SORCS3: variants seen among roughly 807,000 people sequenced by gnomAD.
The protein encoded by SORCS3 is VPS10 domain-containing receptor SorCS3.
SORCS3 carries 57 observed loss-of-function variants against 146.3 expected under a neutral mutation model. The observed-to-expected ratio is 0.39, with a 90% CI of 0.31 to 0.49. SORCS3 has a LOEUF of 0.49. Ranked by LOEUF, SORCS3 falls within the 20% of genes least tolerant of loss-of-function variation. SORCS3 has a pLI of 0.92. For missense variants in SORCS3, 1,341 were observed against 1,575.5 expected, an observed-to-expected ratio of 0.85 and a Z score of 2.52; for synonymous variants, 653 against 618.5, an observed-to-expected ratio of 1.06 and a Z score of -0.83.
rs145642885 is a variant in SORCS3, at chr10:104,804,127, A to G, written c.628-38665A>G. ...CCTTGAAATTTCTTAGGGCTTTTCA[A>G]TTTCCACAGCTTTTTCACATGGATC... On this transcript the variant is annotated intron_variant, in intron 1 of 26. Transcript: ENST00000369701. 2.3e-3 allele frequency among the ~76,000 whole-genome samples: 350 copies of G among 152,300 alleles called. 2 individuals carry two copies. The highest frequency in any genetic ancestry group is 8.0e-3 in the African/African-American group (332 of 41,562).
intron 1 of SORCS3, among the ~76,000 whole-genome samples, chr10:104,767,064 T>C (rs890873936): frequency 2.0e-5 from 3 of 152,222 alleles, no homozygotes; most frequent in African/African-American, 7.2e-5. Context: ...TGTTCTCAGA[T>C]TCACATTCCT....
intron 4 of SORCS3, among the ~76,000 whole-genome samples, chr10:105,037,900 G>T (rs2133700724): frequency 6.6e-6 from 1 of 152,228 alleles, no homozygotes; most frequent in South Asian, 2.1e-4. Context: ...ATATTCTATT[G>T]ATTAAATTGC....
chr10:105,171,623 G>T (rs1013352763), intron 13 of SORCS3, among the ~76,000 whole-genome samples: 2 of 152,180 alleles, frequency 1.3e-5, no homozygotes, highest in Non-Finnish European at 2.9e-5. Flanking sequence ...ACATGTCTCT[G>T]AAAAGCAAAA....
chr10:105,145,384 GAC>G (rs1210462072), intron 8 of SORCS3, among the ~76,000 whole-genome samples: 8 of 151,896 alleles, frequency 5.3e-5, no homozygotes, highest in Non-Finnish European at 1.2e-4. Context: ...TTCACCAGGT[GAC>G]ACAGCCCCGG....
chr10:105,079,610 G>A (rs969136372), intron 5 of SORCS3, among the ~76,000 whole-genome samples: 1 of 151,968 alleles, frequency 6.6e-6, no homozygotes, highest in African/African-American at 2.4e-5. Flanking sequence ...ACATGTGCAG[G>A]GTTGTTTTAT....
At chr10:105,023,430 T>C (rs1330014214) in intron 4 of SORCS3, among the ~76,000 whole-genome samples, 1 of 152,140 alleles carries the variant, frequency 6.6e-6, no homozygotes, top group African/African-American at 2.4e-5. Context: ...TTCCAATGGT[T>C]GGAGGGTGGA....
At chr10:105,257,529 T>C (rs190106048) in intron 25 of SORCS3, among the ~76,000 whole-genome samples, 123 of 152,312 alleles carry the variant, frequency 8.1e-4, no homozygotes, top group African/African-American at 3.0e-3. Flanking sequence ...AAGATACTTA[T>C]TAGAAACGTA....
At chr10:104,787,667 A>AT (rs2133497880) in intron 1 of SORCS3, among the ~76,000 whole-genome samples, 1 of 152,300 alleles carries the variant, frequency 6.6e-6, no homozygotes, top group African/African-American at 2.4e-5. Flanking sequence ...ATGTTCTCCC[A>AT]TGAAAAGGGA....
At chr10:104,792,914 G>T (rs891236563) in intron 1 of SORCS3, among the ~76,000 whole-genome samples, 8 of 152,012 alleles carry the variant, frequency 5.3e-5, no homozygotes, top group African/African-American at 1.9e-4. Context: ...TTATTTTGGG[G>T]TCATGGATTT....
rs2015412899 is a variant in SORCS3 at position 104,641,420 on chromosome 10, C to T, written c.93C>T (p.Ala31=). The change falls in exon 1 of 27, where the codon GCC becomes GCT. Residue 31 remains alanine, a synonymous_variant. Transcript: ENST00000369701. This position sits in a 1 kb window ranked among gnomAD's most constrained non-coding sequence, Gnocchi z 6.4. ...GLLLLSTWVL[A]GAEITWDATG... The stretch of plus-strand genomic sequence containing the variant: ...TACTCTTGTCGACGTGGGTCCTGGC[C>T]GGCGCCGAGATCACTTGGGACGCGA... 2.7e-6 allele frequency: 4 copies of T among 1,468,132 alleles called. No homozygotes were observed. The South Asian group carries it at 3.9e-5, about 14-fold the overall frequency. The allele number at this position is 1,468,132 out of a possible 1,614,324, so 90.9% of individuals were successfully genotyped here. A position where few individuals can be genotyped will look rare whatever the true frequency, so the allele number is the denominator to read the frequency against.
intron 1 of SORCS3, among the ~76,000 whole-genome samples, chr10:104,810,034 C>T (rs907982463): frequency 6.6e-6 from 1 of 152,194 alleles, no homozygotes; most frequent in African/African-American, 2.4e-5. Context: ...TATTTCTGAA[C>T]ATGCTTCCGA....
chr10:105,178,152 G>T lies in SORCS3; in HGVS notation c.1988G>T (p.Gly663Val). Residue 663 changes from glycine to valine, a missense_variant, in exon 14 of 27, where the codon GGA (glycine) becomes GTA (valine). Transcript: ENST00000369701. ...GTTGACGGGGCTCTGGTGGAGGCAG[G>T]AATGGAGACCCACATCATGACGTGA... ...LFVDGALVEA[G>V]METHIMTVFG... 6.2e-7 allele frequency: 1 copy of T among 1,613,174 alleles called. No individual in the cohort carries two copies. The highest frequency in any genetic ancestry group is 1.7e-5 in the Admixed American group (1 of 59,940).
At chr10:104,872,177 G>GTAATC (rs1449747882) in intron 2 of SORCS3, among the ~76,000 whole-genome samples, 1 of 152,174 alleles carries the variant, frequency 6.6e-6, no homozygotes, top group African/African-American at 2.4e-5. Context: ...AATGTACCAT[G>GTAATC]AGGGATGCAT....
At chr10:105,080,685 T>C (rs2055618481) in intron 5 of SORCS3, among the ~76,000 whole-genome samples, 1 of 152,198 alleles carries the variant, frequency 6.6e-6, no homozygotes, top group Non-Finnish European at 1.5e-5. Flanking sequence ...GTTTTACATT[T>C]AAGTCTTTAA....
chr10:104,681,164 G>C (rs1450194219), intron 1 of SORCS3, among the ~76,000 whole-genome samples: 7 of 152,248 alleles, frequency 4.6e-5, no homozygotes, highest in Admixed American at 6.5e-5. Context: ...GGCATGGGGA[G>C]ACGCTCATGA....
At chr10:104,741,451 T>G (rs1005743816) in intron 1 of SORCS3, among the ~76,000 whole-genome samples, 1 of 152,052 alleles carries the variant, frequency 6.6e-6, no homozygotes, top group Non-Finnish European at 1.5e-5. Context: ...TGTATGGAGT[T>G]TGTCAAGCTG....
At chr10:104,735,456 G>GTTTTTTTTTGTTTTTTTTT (rs2016757784) in intron 1 of SORCS3, among the ~76,000 whole-genome samples, 1 of 34,992 alleles carries the variant, frequency 2.9e-5, no homozygotes, top group Non-Finnish European at 4.8e-5. Context: ...CTCACCGTCT[G>GTTTTTTTTTGTTTTTTTTT]TTTTTTTTTT....
At chr10:104,805,422 A>C (rs1021562538) in intron 1 of SORCS3, among the ~76,000 whole-genome samples, 2 of 152,134 alleles carry the variant, frequency 1.3e-5, no homozygotes, top group Non-Finnish European at 2.9e-5. Context: ...GGAAATCTCA[A>C]ATTTTCACAT....
In SORCS3 at chr10:104,912,440, C is replaced by A. The variant is rs11192227; in HGVS notation, c.696-3393C>A. ...TGCTCAGGGTGATTTGTCATTTAAC[C>A]GTAATTCTACTACAAGTGAATTACA... On this transcript the variant is annotated intron_variant, in intron 2 of 26. Coordinates refer to ENST00000369701, the MANE Select transcript of SORCS3 (RefSeq NM_014978.3). Among the ~76,000 whole-genome samples, 447 of 152,184 alleles carry A rather than the reference C, an allele frequency of 2.9e-3. 2 individuals carry two copies. The highest frequency in any genetic ancestry group is 0.018 in the South Asian group (89 of 4,830).
Sources: gnomAD v4.1 joint callset for allele counts (sites outside exome capture counted in the v4.1 genomes callset) on GRCh38, gnomAD v4.1.1 for gene constraint, Gnocchi (gnomAD v3.1) non-coding constraint, MANE v1.5 for transcripts, NCBI Gene and HGNC (gene_info 2026-07-23, HGNC 2026-07-21) for gene names.